Variants in PSMA1 observed in about 807,000 individuals in gnomAD.
The protein encoded by PSMA1 is proteasome 20S subunit alpha 1, also known as proteasome subunit alpha type-1.
In PSMA1, 3 loss-of-function variants were observed where a neutral mutation model predicts 38.4. That is an observed-to-expected ratio of 0.08 (90% CI 0.04 to 0.20). PSMA1 has a LOEUF of 0.20. Ranked by LOEUF, PSMA1 falls within the 10% of genes least tolerant of loss-of-function variation. PSMA1 has a pLI of 1.00. For missense variants in PSMA1, 227 were observed against 325.3 expected (o/e 0.70, Z 2.32); for synonymous variants, 101 against 107.1 (o/e 0.94, Z 0.35).
chr11:14,537,952 G>T (rs565198702), intron 2 of PSMA1, among the ~76,000 whole-genome samples: 89 of 152,074 alleles, frequency 5.9e-4, no homozygotes, highest in South Asian at 8.3e-4. Flanking sequence ...CAAGTGATCC[G>T]CCTGCCTCGG....
At chr11:14,606,708 C>T (rs1852647918) in intron 2 of PSMA1, among the ~76,000 whole-genome samples, 1 of 152,158 alleles carries the variant, frequency 6.6e-6, no homozygotes, top group South Asian at 2.1e-4. Flanking sequence ...ATTTTTAATT[C>T]TGACATTTAT....
At chr11:14,600,231 G>A (rs369792210) in intron 2 of PSMA1, among the ~76,000 whole-genome samples, 8 of 152,218 alleles carry the variant, frequency 5.3e-5, no homozygotes, top group Admixed American at 6.5e-5. Context: ...CAGTCTGTCC[G>A]TTCTCAGAGC....
intron 2 of PSMA1, among the ~76,000 whole-genome samples, chr11:14,538,093 A>C (rs866053319): frequency 1.3e-5 from 2 of 151,998 alleles, no homozygotes; most frequent in Non-Finnish European, 2.9e-5. Flanking sequence ...ATATAAAAAA[A>C]TTTTTTTTCA....
At chr11:14,577,819 T>C (rs987282130) in intron 2 of PSMA1, among the ~76,000 whole-genome samples, 5 of 152,192 alleles carry the variant, frequency 3.3e-5, no homozygotes, top group Admixed American at 3.3e-4. Context: ...GTGTTAAGGA[T>C]GATAAGCCTG....
chr11:14,552,891 A>T lies in PSMA1; in HGVS notation c.22-33850T>A, dbSNP rs1201298795. On this transcript the variant is annotated intron_variant, in intron 2 of 10. Coordinates refer to the PSMA1 transcript ENST00000418988. ...CAGGCTGGAGTGTAGTAGTGCTATT[A>T]TCATAGCTCACTGCAGCCACAATTT... 6.0e-5 allele frequency among the ~76,000 whole-genome samples: 8 copies of T among 132,648 alleles called. No individual in the cohort carries two copies. The South Asian group carries it at 6.9e-4, about 11-fold the overall frequency. 87.0% of individuals were successfully genotyped at this position (132,648 alleles called of 152,430 possible). A position where few individuals can be genotyped will look rare whatever the true frequency, so the allele number is the denominator to read the frequency against.
upstream of PSMA1, chr11:14,520,497 CG>C: frequency 7.0e-7 from 1 of 1,438,754 alleles, no homozygotes; most frequent in Non-Finnish European, 9.1e-7. Context: ...CGCTCGGCGG[CG>C]GGCGGAGCCT....
intron 2 of PSMA1, among the ~76,000 whole-genome samples, chr11:14,545,953 G>GA (rs775527908): frequency 6.6e-6 from 1 of 152,166 alleles, no homozygotes; most frequent in Non-Finnish European, 1.5e-5. Context: ...AGAGGTCAGT[G>GA]AAAATAATGT....
At chr11:14,518,634 T>C (rs1381403196) in intron 2 of PSMA1, among the ~76,000 whole-genome samples, 1 of 152,186 alleles carries the variant, frequency 6.6e-6, no homozygotes, top group Admixed American at 6.5e-5. Flanking sequence ...ACATTAGATC[T>C]TTCCACTTGC....
chr11:14,546,602 T>C (rs544908563), intron 2 of PSMA1, among the ~76,000 whole-genome samples: 1 of 152,146 alleles, frequency 6.6e-6, no homozygotes, highest in South Asian at 2.1e-4. Context: ...CATGCCCGGC[T>C]AATTTTCGTA....
intron 2 of PSMA1, among the ~76,000 whole-genome samples, chr11:14,531,130 C>CT (rs768170540): frequency 2.5e-4 from 38 of 151,804 alleles, no homozygotes; most frequent in African/African-American, 4.8e-4. Context: ...ATACTTCACC[C>CT]TTTTTTTTCC....
At chr11:14,606,305 T>C (rs571961172) in intron 2 of PSMA1, among the ~76,000 whole-genome samples, 42 of 151,966 alleles carry the variant, frequency 2.8e-4, no homozygotes, top group Admixed American at 5.3e-4. Context: ...AGTTGGGAAA[T>C]GAAATCACCT....
intron 1 of PSMA1, among the ~76,000 whole-genome samples, chr11:14,629,202 T>C (rs1229236092): frequency 6.6e-6 from 1 of 152,206 alleles, no homozygotes; most frequent in East Asian, 1.9e-4. Context: ...TTGGCTTCTG[T>C]TGCCATTGCT....
chr11:14,530,733 C>T (rs1315957300), intron 2 of PSMA1, among the ~76,000 whole-genome samples: 1 of 151,862 alleles, frequency 6.6e-6, no homozygotes, highest in African/African-American at 2.4e-5. Flanking sequence ...GAAACCCTGT[C>T]GCTACTAAAA....
chr11:14,595,177 C>T (rs909774473), intron 2 of PSMA1, among the ~76,000 whole-genome samples: 5 of 152,070 alleles, frequency 3.3e-5, no homozygotes, highest in East Asian at 3.9e-4. Context: ...TGGGTTGGTT[C>T]CAAGTCTTTG....
chr11:14,567,362 T>C (rs1273142378), intron 2 of PSMA1, among the ~76,000 whole-genome samples: 1 of 152,242 alleles, frequency 6.6e-6, no homozygotes, highest in Non-Finnish European at 1.5e-5. Context: ...TCTTGATATC[T>C]ACTTATCTCT....
intron 2 of PSMA1, among the ~76,000 whole-genome samples, chr11:14,602,506 A>G (rs1206203199): frequency 6.6e-6 from 1 of 152,076 alleles, no homozygotes; most frequent in African/African-American, 2.4e-5. Flanking sequence ...ATTTCTATAT[A>G]TGTATATGTA....
chr11:14,563,004 C>T (rs1301691314), intron 2 of PSMA1, among the ~76,000 whole-genome samples: 1 of 151,994 alleles, frequency 6.6e-6, no homozygotes, highest in African/African-American at 2.4e-5. Flanking sequence ...GTAATCTTTC[C>T]AGTTACAAGC....
In PSMA1 at chr11:14,592,411, A is replaced by T. The variant is rs1345049783; in HGVS notation, c.21+18555T>A. 3.4e-5 allele frequency among the ~76,000 whole-genome samples: 5 copies of T among 145,962 alleles called. No individual in the cohort carries two copies. In the South Asian group the frequency reaches 1.1e-3, roughly 32 times the overall value. ...ATATATATATTTTTTTTTTAGATGG[A>T]GTCTCGCTTTGCTCCCCAGGCTGGA... On this transcript the variant is annotated intron_variant, in intron 2 of 10. Transcript: ENST00000418988.
chr11:14,625,898 C>G (rs1020571883), intron 1 of PSMA1, among the ~76,000 whole-genome samples: 1 of 152,146 alleles, frequency 6.6e-6, no homozygotes, highest in Non-Finnish European at 1.5e-5. Context: ...CACAGTGCCA[C>G]CAGGGAATAA....
Sources: gnomAD v4.1 joint callset for allele counts (sites outside exome capture counted in the v4.1 genomes callset) on GRCh38, gnomAD v4.1.1 for gene constraint, MANE v1.5 for transcripts, NCBI Gene and HGNC (gene_info 2026-07-23, HGNC 2026-07-21) for gene names.